The following CYP27C1 variants were observed in gnomAD, a reference collection of about 807,000 sequenced individuals.
CYP27C1 encodes the protein cytochrome P450 family 27 subfamily C member 1.
CYP27C1 carries 29 observed loss-of-function variants against 40.6 expected under a neutral mutation model. The observed-to-expected ratio is 0.71, with a 90% confidence interval of 0.53 to 0.97. The LOEUF is 0.97. CYP27C1 is among the 50% of genes least tolerant of loss of function. CYP27C1 has a pLI of 0.00. For synonymous variants in CYP27C1, 198 were observed against 186.8 expected (o/e 1.06, Z -0.49); for missense variants, 390 against 485.8 (o/e 0.80, Z 1.85).
chr2:127,215,852 G>A lies in CYP27C1; in HGVS notation c.282+4137C>T, dbSNP rs192407721. Among the ~76,000 whole-genome samples the A allele has an allele frequency of 9.2e-5, 14 of 151,568 alleles. 1 individual carries two copies. In the Middle Eastern group the frequency reaches 0.014, roughly 147 times the overall value. ...GGGAGGGAGAGAGAGAGGGAGGGAG[G>A]GAGGAAGGAAGAAGAGAGAAAAGAA... is the stretch of plus-strand genomic sequence containing the variant. On this transcript the variant is annotated intron_variant, in intron 1 of 8. Transcript: ENST00000664447.
chr2:127,207,343 A>C (rs1683248613), intron 1 of CYP27C1, among the ~76,000 whole-genome samples: 1 of 152,184 alleles, frequency 6.6e-6, no homozygotes, highest in Non-Finnish European at 1.5e-5. Context: ...AAAAACACAA[A>C]AATTATCCAG....
At chr2:127,192,806 A>C (rs1682812588) in intron 8 of CYP27C1, among the ~76,000 whole-genome samples, 1 of 56,084 alleles carries the variant, frequency 1.8e-5, no homozygotes, top group Non-Finnish European at 3.7e-5. Context: ...TTTTCAAAGG[A>C]TATCATGCAG....
chr2:127,198,709 A>T (rs569421791), intron 5 of CYP27C1, among the ~76,000 whole-genome samples: 76 of 152,318 alleles, frequency 5.0e-4, no homozygotes, highest in African/African-American at 1.8e-3. Context: ...CCAGCTGCCC[A>T]CAGTATTCAG....
intron 1 of CYP27C1, among the ~76,000 whole-genome samples, chr2:127,212,331 A>T (rs1683355747): frequency 6.6e-6 from 1 of 152,226 alleles, no homozygotes; most frequent in African/African-American, 2.4e-5. Flanking sequence ...AGCCAGAATC[A>T]TCCTGATACC....
intron 8 of CYP27C1, 125 bp downstream of exon 8, chr2:127,192,969 C>T (rs1249611982): frequency 1.6e-6 from 2 of 1,255,232 alleles, no homozygotes; most frequent in East Asian, 2.5e-5. Flanking sequence ...AGCCACAGTG[C>T]CTGACGGCTC....
rs530361663 is a variant in CYP27C1, at chr2:127,186,952, T to C, written c.*319A>G. On this transcript the variant is annotated 3_prime_UTR_variant, in exon 9 of 9. Transcript: ENST00000664447. This position sits in a 1 kb window ranked among gnomAD's most constrained non-coding sequence, Gnocchi z 4.5. ...GTAAACCACCATTTCCCTGTACAAGTAAATGCACAGGATACTGCCAGTCAT... is the reference window on the plus strand; with the variant it reads ...GTAAACCACCATTTCCCTGTACAAGCAAATGCACAGGATACTGCCAGTCAT... 4.6e-6 allele frequency: 1 copy of C among 218,764 alleles called. No homozygotes were observed. The highest frequency in any genetic ancestry group is 1.3e-4 in the South Asian group (1 of 7,418). The allele number at this position is 218,764 out of a possible 1,614,324, so 13.6% of individuals were successfully genotyped here.
intron 5 of CYP27C1, among the ~76,000 whole-genome samples, chr2:127,198,059 G>A (rs926363186): frequency 1.3e-5 from 2 of 152,104 alleles, no homozygotes; most frequent in African/African-American, 4.8e-5. Context: ...TTTCCCATCG[G>A]ATAGCCTGTG....
Position 127,209,659 on chromosome 2 carries a change from A to G in CYP27C1, c.283-3569T>C, listed in dbSNP as rs1324974444. On this transcript the variant is annotated intron_variant, in intron 1 of 8. Transcript: ENST00000664447. The surrounding 1 kb of genome is among the most constrained non-coding windows in gnomAD (Gnocchi z 4.1). ...CTGCTAACTAGAATAACCAGTTTAG[A>G]GAGGAACATAAATGACCAGATGGAG... Among the ~76,000 whole-genome samples, 1 of 152,246 alleles carries G rather than the reference A, an allele frequency of 6.6e-6. No homozygotes were observed. The highest frequency in any genetic ancestry group is 2.4e-5 in the African/African-American group (1 of 41,470).
Position 127,212,121 on chromosome 2 carries a change from G to T in CYP27C1, c.283-6031C>A, listed in dbSNP as rs112558462. The stretch of plus-strand genomic sequence containing the variant: ...CACCCTACCAAGACTAAACCAGGAA[G>T]AAATTTAACCCCTGAATAGACCAAT... On this transcript the variant is annotated intron_variant, in intron 1 of 8. Coordinates refer to ENST00000664447, the MANE Select transcript of CYP27C1 (RefSeq NM_001367502.1). Among the ~76,000 whole-genome samples, 655 of 152,210 alleles carry T rather than the reference G, an allele frequency of 4.3e-3. 6 individuals are homozygous for T. The highest frequency in any genetic ancestry group is 0.015 in the African/African-American group (613 of 41,534).
At chr2:127,197,393 T>C (rs1041358405) in intron 5 of CYP27C1, among the ~76,000 whole-genome samples, 1 of 152,216 alleles carries the variant, frequency 6.6e-6, no homozygotes. Flanking sequence ...ACAATAAAAA[T>C]AAAGCCTTGA....
chr2:127,215,817 G>C (rs541244120), intron 1 of CYP27C1, among the ~76,000 whole-genome samples: 4 of 151,930 alleles, frequency 2.6e-5, no homozygotes, highest in African/African-American at 7.2e-5. Context: ...CAAATCAGTA[G>C]AGGAAGGGAG....
At position 127,197,414 on chromosome 2, in the gene CYP27C1, C is replaced by T. The variant is rs73953291; in HGVS notation, c.1048-1913G>A. Among the ~76,000 whole-genome samples, 1,256 of 152,112 alleles carry T rather than the reference C, an allele frequency of 8.3e-3. 12 individuals carry two copies. Among genetic ancestry groups the T allele is most frequent in the African/African-American group, 0.029 (1,187 of 41,512 alleles). On this transcript the variant is annotated intron_variant, in intron 5 of 8. Transcript: ENST00000664447. Reference sequence around the variant, plus strand: ...AAAATAAAGCCTTGAGGCTTTTTTGCCCCTTTAAGATGTAGGTCTGTGCGG... The same window carrying T: ...AAAATAAAGCCTTGAGGCTTTTTTGTCCCTTTAAGATGTAGGTCTGTGCGG...
rs912817095 is a variant in CYP27C1 at position 127,202,984 on chromosome 2, T to C, written c.673+388A>G. Among the ~76,000 whole-genome samples, 4 of 152,096 alleles carry C rather than the reference T, an allele frequency of 2.6e-5. No individual in the cohort carries two copies. The East Asian group carries it at 7.8e-4, about 29-fold the overall frequency. Reference sequence around the variant, plus strand: ...GAGTTCGAGACCAGCCTTGCCAACATGGTGAAACACTGTCTCTACTAAAAA... The same window carrying C: ...GAGTTCGAGACCAGCCTTGCCAACACGGTGAAACACTGTCTCTACTAAAAA... On this transcript the variant is annotated intron_variant, in intron 3 of 8. Coordinates refer to ENST00000664447, the MANE Select transcript of CYP27C1 (RefSeq NM_001367502.1).
intron 1 of CYP27C1, among the ~76,000 whole-genome samples, chr2:127,211,369 G>GTTTTTTTTTTTTTT (rs371826841): frequency 7.4e-5 from 7 of 94,972 alleles, no homozygotes; most frequent in African/African-American, 2.6e-4. Flanking sequence ...GTGTTTTTTT[G>GTTTTTTTTTTTTTT]TTTTTTTTTT....
chr2:127,205,606 A>G, intron 2 of CYP27C1: 4 of 870,194 alleles, frequency 4.6e-6, no homozygotes, highest in Non-Finnish European at 5.5e-6. Context: ...CTCGGTTATC[A>G]CTGAATGGAC....
chr2:127,201,379 T>C lies in CYP27C1; in HGVS notation c.674-48A>G. The C allele has an allele frequency of 6.4e-7, 1 of 1,564,162 alleles. No homozygotes were observed. Among genetic ancestry groups the C allele is most frequent in the Admixed American group, 1.7e-5 (1 of 57,812 alleles). The stretch of plus-strand genomic sequence containing the variant: ...AAACCCTCTTCTAGATTATTTACCA[T>C]ACCAACAGGCAATGTTGGGCCATAA... On this transcript the variant is annotated intron_variant, in intron 3 of 8. Coordinates refer to ENST00000664447, the MANE Select transcript of CYP27C1 (RefSeq NM_001367502.1). This position sits in a 1 kb window ranked among gnomAD's most constrained non-coding sequence, Gnocchi z 6.0.
chr2:127,185,197 G>T lies in CYP27C1; in HGVS notation c.*2074C>A. ...AGCGAACCTAGAAACTTGTCCAGCT[G>T]AATCTCCATTTCTTTGGCGTGGATG... is the stretch of plus-strand genomic sequence containing the variant. On this transcript the variant is annotated 3_prime_UTR_variant, in exon 9 of 9. Coordinates refer to ENST00000664447, the MANE Select transcript of CYP27C1 (RefSeq NM_001367502.1). This position sits in a 1 kb window ranked among gnomAD's most constrained non-coding sequence, Gnocchi z 4.9. 6.6e-6 allele frequency: 1 copy of T among 152,382 alleles called. No homozygotes were observed. The allele number at this position is 152,382 out of a possible 1,614,324, so 9.4% of individuals were successfully genotyped here.
At position 127,199,546 on chromosome 2, in the gene CYP27C1, G is replaced by GA. The variant is rs1218872538; in HGVS notation, c.884-8dup. ...TTGTCAACATGAATTTGGCCTGTTT[G>GA]AAAACAGTATTTCTTTTGAAAGGAG... On this transcript the variant is annotated splice_polypyrimidine_tract_variant and splice_region_variant and intron_variant, in intron 4 of 8. Coordinates refer to ENST00000664447, the MANE Select transcript of CYP27C1 (RefSeq NM_001367502.1). The GA allele has an allele frequency of 3.1e-6, 5 of 1,609,276 alleles. No homozygotes were observed. The highest frequency in any genetic ancestry group is 4.2e-6 in the Non-Finnish European group (5 of 1,176,596).
In CYP27C1 at chr2:127,219,929, C is replaced by G. The variant is rs1312005905; in HGVS notation, c.282+60G>C. The G allele has an allele frequency of 2.0e-5, 3 of 152,244 alleles. No homozygotes were observed. Among genetic ancestry groups the G allele is most frequent in the Non-Finnish European group, 4.4e-5 (3 of 68,090 alleles). 9.4% of individuals were successfully genotyped at this position (152,244 alleles called of 1,614,324 possible). Reference sequence around the variant, plus strand: ...CCCCTCCCTGGCGCCCTCCCGCCCGCGCCGTCAGCCTTCTGGGCAGCAGCC... The same window carrying G: ...CCCCTCCCTGGCGCCCTCCCGCCCGGGCCGTCAGCCTTCTGGGCAGCAGCC... On this transcript the variant is annotated intron_variant, in intron 1 of 8. Coordinates refer to ENST00000664447, the MANE Select transcript of CYP27C1 (RefSeq NM_001367502.1). This position sits in a 1 kb window ranked among gnomAD's most constrained non-coding sequence, Gnocchi z 8.7.
Sources: allele counts gnomAD v4.1 joint callset (sites outside exome capture counted in the v4.1 genomes callset), GRCh38; gene constraint gnomAD v4.1.1; non-coding constraint Gnocchi (gnomAD v3.1); transcripts MANE v1.5; gene names NCBI Gene and HGNC (gene_info 2026-07-23, HGNC 2026-07-21).